FLT1: variants seen among roughly 807,000 people sequenced by gnomAD.
The protein encoded by FLT1 is vascular endothelial growth factor receptor 1.
Under a neutral mutation model 156.3 loss-of-function variants are expected in FLT1, and 49 were observed. The observed-to-expected ratio is 0.31, with a 90% CI of 0.25 to 0.40. The LOEUF (loss-of-function observed/expected upper bound fraction) is 0.40. Ranked by LOEUF, FLT1 falls within the 10% of genes least tolerant of loss-of-function variation. FLT1 has a pLI of 1.00. For synonymous variants in FLT1, 594 were observed against 583.8 expected, an observed-to-expected ratio of 1.02 and a Z score of -0.25; for missense variants, 1,322 against 1,637.2, an observed-to-expected ratio of 0.81 and a Z score of 3.32.
chr13:28,419,436 G>A (rs528552532), intron 10 of FLT1, among the ~76,000 whole-genome samples: 1 of 152,158 alleles, frequency 6.6e-6, no homozygotes. Context: ...TAATAAAAAT[G>A]CTCATTCAAT....
intron 16 of FLT1, among the ~76,000 whole-genome samples, chr13:28,343,275 G>A (rs538346167): frequency 2.6e-5 from 4 of 151,282 alleles, no homozygotes; most frequent in African/African-American, 4.9e-5. Context: ...GAGCCACTGC[G>A]CCCGGCTGCC....
chr13:28,391,155 G>T (rs1874689043), intron 12 of FLT1, among the ~76,000 whole-genome samples: 1 of 152,168 alleles, frequency 6.6e-6, no homozygotes, highest in African/African-American at 2.4e-5. Flanking sequence ...GAGGGGTAAA[G>T]AGAATAATTT....
chr13:28,482,462 A>T (rs929922799), intron 1 of FLT1, among the ~76,000 whole-genome samples: 2 of 151,788 alleles, frequency 1.3e-5, no homozygotes, highest in African/African-American at 4.8e-5. Context: ...GTAAAACTCC[A>T]TCTCAAAATA....
At chr13:28,303,455 C>A in intron 29 of FLT1, 87 bp from the exon 30 acceptor site, 6 of 1,059,662 alleles carry the variant, frequency 5.7e-6, no homozygotes, top group Non-Finnish European at 8.3e-6. Context: ...CTGAGTGGGT[C>A]ATTTGTTCAT....
intron 3 of FLT1, among the ~76,000 whole-genome samples, chr13:28,443,372 C>T (rs1471449712): frequency 1.3e-5 from 2 of 152,148 alleles, no homozygotes; most frequent in Non-Finnish European, 2.9e-5. Context: ...CATAGTGGCC[C>T]CTGCATGTTA....
chr13:28,462,697 G>T (rs1057029077), intron 3 of FLT1, among the ~76,000 whole-genome samples: 1 of 152,074 alleles, frequency 6.6e-6, no homozygotes, highest in African/African-American at 2.4e-5. Context: ...GGACCAAGTG[G>T]CCCCTTCCAG....
chr13:28,379,478 A>G (rs1873984371), intron 14 of FLT1, among the ~76,000 whole-genome samples: 1 of 152,178 alleles, frequency 6.6e-6, no homozygotes, highest in South Asian at 2.1e-4. Context: ...AGTGAGGAAG[A>G]GTGGTGTCAG....
At chr13:28,317,433 C>CT in intron 25 of FLT1, 65 bp downstream of exon 25, 2 of 1,002,060 alleles carry the variant, frequency 2.0e-6, no homozygotes. Flanking sequence ...AAAACATCCC[C>CT]TCTCAGGAAT....
chr13:28,309,759 C>A (rs977547380), intron 27 of FLT1, among the ~76,000 whole-genome samples: 27 of 151,144 alleles, frequency 1.8e-4, no homozygotes, highest in African/African-American at 6.6e-4. Context: ...TCTGCTTCAG[C>A]CTCTTGGGCT....
At chr13:28,493,452 G>A (rs1202562167) in intron 1 of FLT1, among the ~76,000 whole-genome samples, 2 of 151,968 alleles carry the variant, frequency 1.3e-5, no homozygotes, top group South Asian at 2.1e-4. Context: ...GGAAACTGAC[G>A]GTCTAGTTAG....
chr13:28,348,252 G>A (rs953055563), intron 15 of FLT1, among the ~76,000 whole-genome samples: 1 of 152,164 alleles, frequency 6.6e-6, no homozygotes, highest in African/African-American at 2.4e-5. Flanking sequence ...CAGCCAGAGT[G>A]ATCTTGCCAA....
At chr13:28,442,537 C>T (rs1878384833) in intron 3 of FLT1, among the ~76,000 whole-genome samples, 2 of 152,134 alleles carry the variant, frequency 1.3e-5, no homozygotes, top group Non-Finnish European at 2.9e-5. Flanking sequence ...CCTCTAAAAG[C>T]CAATACCAAT....
chr13:28,358,065 C>T (rs951058255), intron 14 of FLT1, among the ~76,000 whole-genome samples: 6 of 152,054 alleles, frequency 3.9e-5, no homozygotes, highest in Admixed American at 2.6e-4. Flanking sequence ...ATTGACTCAA[C>T]GCCCTCTGTG....
chr13:28,371,506 C>T (rs1158698269), intron 14 of FLT1, among the ~76,000 whole-genome samples: 4 of 152,118 alleles, frequency 2.6e-5, no homozygotes. Context: ...AGCTGGCTGG[C>T]CTACCAGATA....
At chr13:28,308,067 C>T (rs1241802999) in intron 28 of FLT1, among the ~76,000 whole-genome samples, 1 of 152,178 alleles carries the variant, frequency 6.6e-6, no homozygotes, top group African/African-American at 2.4e-5. Context: ...CCACTGCGCC[C>T]GGCCTCACCA....
intron 24 of FLT1, 53 bp downstream of exon 24, chr13:28,319,370 G>A (rs1871344863): frequency 3.4e-6 from 4 of 1,162,924 alleles, no homozygotes; most frequent in South Asian, 1.3e-5. Flanking sequence ...TTCAGCAGAA[G>A]ATGCAGACAT....
intron 14 of FLT1, chr13:28,368,515 A>G: frequency 1.9e-6 from 3 of 1,545,312 alleles, no homozygotes; most frequent in Non-Finnish European, 2.6e-6. Flanking sequence ...AAGTTGACAC[A>G]TAATAGTTTT....
At chr13:28,487,739 T>C (rs960234484) in intron 1 of FLT1, among the ~76,000 whole-genome samples, 15 of 152,174 alleles carry the variant, frequency 9.9e-5, no homozygotes, top group African/African-American at 3.6e-4. Flanking sequence ...TACTTACCGC[T>C]GCTGGTTTTT....
intron 12 of FLT1, among the ~76,000 whole-genome samples, chr13:28,394,506 G>C (rs10507383): frequency 0.11 from 16,215 of 152,170 alleles, 1,017 homozygotes; most frequent in African/African-American, 0.16. Flanking sequence ...ACAACACCAT[G>C]GGTAGAAATA....
Sources: gnomAD v4.1 joint callset for allele counts (sites outside exome capture counted in the v4.1 genomes callset) on GRCh38, gnomAD v4.1.1 for gene constraint, MANE v1.5 for transcripts, NCBI Gene and HGNC (gene_info 2026-07-23, HGNC 2026-07-21) for gene names.